The following NLGN1 variants were observed in gnomAD, a reference collection of about 807,000 sequenced individuals.
NLGN1 encodes neuroligin 1.
Under a neutral mutation model 65.5 loss-of-function variants are expected in NLGN1, and 12 were observed. The ratio of observed to expected loss-of-function variants is 0.18; its 90% confidence interval spans 0.12 to 0.30. The LOEUF (loss-of-function observed/expected upper bound fraction) is 0.30, where lower values mean the gene tolerates loss of function less well. Among genes scored for constraint, NLGN1 ranks in the 10% least tolerant of loss-of-function variants. The pLI is 1.00. For synonymous variants in NLGN1, 350 were observed against 359.5 expected (o/e 0.97, Z 0.30); for missense variants, 750 against 1,007.1 (o/e 0.74, Z 3.46).
intron 2 of NLGN1, among the ~76,000 whole-genome samples, chr3:173,506,946 A>T (rs1279197429): frequency 2.0e-5 from 3 of 152,174 alleles, no homozygotes; most frequent in African/African-American, 7.2e-5. Flanking sequence ...ACTCAGTTGT[A>T]ACACTTGGTT....
At chr3:173,719,460 C>A (rs754943035) in intron 3 of NLGN1, among the ~76,000 whole-genome samples, 1 of 152,086 alleles carries the variant, frequency 6.6e-6, no homozygotes. Flanking sequence ...ACAAACTAAT[C>A]TGTGTAAAGG....
rs917468855 is a variant in NLGN1, at chr3:173,493,838, T to C, written c.-321+58760T>C. On this transcript the variant is annotated intron_variant, in intron 2 of 6. Transcript: ENST00000457714. Reference sequence around the variant, plus strand: ...TAAATGATTTAATTGAATATATATATATAGAGAGAGAGTATTTCTTCAGAA... The same window carrying C: ...TAAATGATTTAATTGAATATATATACATAGAGAGAGAGTATTTCTTCAGAA... Among the ~76,000 whole-genome samples, 13 of 150,582 alleles carry C rather than the reference T, an allele frequency of 8.6e-5. 1 individual carries two copies. The highest frequency in any genetic ancestry group is 2.7e-4 in the African/African-American group (11 of 40,708).
At chr3:174,201,876 T>C (rs954572436) in intron 4 of NLGN1, among the ~76,000 whole-genome samples, 2 of 152,186 alleles carry the variant, frequency 1.3e-5, no homozygotes, top group African/African-American at 4.8e-5. Context: ...CCCTGACCTT[T>C]TTAGGTGAAG....
At chr3:174,193,933 G>T (rs897627294) in intron 4 of NLGN1, among the ~76,000 whole-genome samples, 4 of 151,644 alleles carry the variant, frequency 2.6e-5, no homozygotes, top group Non-Finnish European at 5.9e-5. Flanking sequence ...TAATTTAAAA[G>T]CCAATAGTCA....
intron 3 of NLGN1, among the ~76,000 whole-genome samples, chr3:173,791,472 G>A (rs1712724045): frequency 6.6e-6 from 1 of 150,452 alleles, no homozygotes; most frequent in Non-Finnish European, 1.5e-5. Context: ...TTGAACTCTA[G>A]GATCTTTTGT....
intron 3 of NLGN1, among the ~76,000 whole-genome samples, chr3:173,689,142 T>C (rs1304831998): frequency 6.6e-6 from 1 of 152,182 alleles, no homozygotes; most frequent in African/African-American, 2.4e-5. Flanking sequence ...CTCTAAAGTA[T>C]TCCTCTAGAT....
intron 4 of NLGN1, among the ~76,000 whole-genome samples, chr3:174,001,183 G>A (rs1723221894): frequency 6.6e-6 from 1 of 152,130 alleles, no homozygotes; most frequent in Admixed American, 6.5e-5. Context: ...ATGGGTTTTT[G>A]AATTGCAAAG....
chr3:173,885,699 A>T (rs915391037), intron 4 of NLGN1, among the ~76,000 whole-genome samples: 2 of 152,286 alleles, frequency 1.3e-5, no homozygotes, highest in South Asian at 4.1e-4. Context: ...AAACACTTGA[A>T]TATTTTTATA....
At chr3:173,453,409 A>T (rs1282124766) in intron 2 of NLGN1, among the ~76,000 whole-genome samples, 1 of 151,836 alleles carries the variant, frequency 6.6e-6, no homozygotes, top group Admixed American at 6.6e-5. Flanking sequence ...TAAAGCAACA[A>T]TGAAGTTGGT....
intron 4 of NLGN1, among the ~76,000 whole-genome samples, chr3:173,940,079 GC>G (rs1182202377): frequency 2.2e-5 from 2 of 90,078 alleles, no homozygotes; most frequent in African/African-American, 9.8e-5. Context: ...AATAGTTATA[GC>G]TTTTTTTTTT....
chr3:173,919,692 G>T (rs1741554020), intron 4 of NLGN1, among the ~76,000 whole-genome samples: 1 of 151,970 alleles, frequency 6.6e-6, no homozygotes, highest in Non-Finnish European at 1.5e-5. Context: ...AAATATTTAA[G>T]GATTTCTATA....
chr3:174,255,765 C>G (rs1254265863), intron 4 of NLGN1, among the ~76,000 whole-genome samples: 2 of 151,640 alleles, frequency 1.3e-5, no homozygotes, highest in East Asian at 3.9e-4. Context: ...CTCAAATGAT[C>G]CCCCCATTTC....
chr3:173,701,656 A>G (rs1767182101), intron 3 of NLGN1, among the ~76,000 whole-genome samples: 1 of 152,226 alleles, frequency 6.6e-6, no homozygotes, highest in African/African-American at 2.4e-5. Context: ...TGACTTTTCA[A>G]TTTTAAATAC....
At chr3:173,875,233 G>A (rs1307099034) in intron 4 of NLGN1, among the ~76,000 whole-genome samples, 1 of 152,102 alleles carries the variant, frequency 6.6e-6, no homozygotes, top group Admixed American at 6.6e-5. Flanking sequence ...AAAAACTGAA[G>A]CCATGGCAGT....
intron 4 of NLGN1, among the ~76,000 whole-genome samples, chr3:173,855,982 C>T (rs1453847196): frequency 1.3e-5 from 2 of 152,014 alleles, no homozygotes; most frequent in Non-Finnish European, 1.5e-5. Flanking sequence ...TAGAATCTTC[C>T]CTCTTTCTGG....
intron 3 of NLGN1, among the ~76,000 whole-genome samples, chr3:173,768,307 C>A (rs1051024235): frequency 2.6e-5 from 4 of 152,156 alleles, no homozygotes; most frequent in African/African-American, 9.7e-5. Flanking sequence ...CTTCTCCAAT[C>A]AGAATGGACT....
chr3:173,952,724 T>C (rs1748448836), intron 4 of NLGN1, among the ~76,000 whole-genome samples: 1 of 152,142 alleles, frequency 6.6e-6, no homozygotes, highest in African/African-American at 2.4e-5. Context: ...ATTATTTTCC[T>C]TCATTTTATT....
At chr3:173,585,699 C>T (rs1020641768) in intron 2 of NLGN1, among the ~76,000 whole-genome samples, 2 of 152,186 alleles carry the variant, frequency 1.3e-5, no homozygotes, top group Admixed American at 6.5e-5. Flanking sequence ...TTGCCGAGGG[C>T]CCAGGCTAGC....
chr3:173,724,103 C>T (rs7623523), intron 3 of NLGN1, among the ~76,000 whole-genome samples: 4 of 152,006 alleles, frequency 2.6e-5, no homozygotes, highest in African/African-American at 9.7e-5. Context: ...CTTCACTATT[C>T]GACATTCAAG....
Sources: gnomAD v4.1 joint callset for allele counts (sites outside exome capture counted in the v4.1 genomes callset) on GRCh38, gnomAD v4.1.1 for gene constraint, MANE v1.5 for transcripts, NCBI Gene and HGNC (gene_info 2026-07-23, HGNC 2026-07-21) for gene names.